The following MYO7A variants were observed in gnomAD, a reference collection of about 807,000 sequenced individuals.
MYO7A encodes the protein myosin VIIA, also known as unconventional myosin-VIIa.
MYO7A carries 210 observed loss-of-function variants against 263.8 expected under a neutral mutation model. The observed-to-expected ratio is 0.80, with a 90% confidence interval of 0.71 to 0.89. The LOEUF (loss-of-function observed/expected upper bound fraction) is 0.89. MYO7A is among the 40% of genes least tolerant of loss of function. MYO7A has a pLI of 0.00. For synonymous variants in MYO7A, 1,239 were observed against 1,197.3 expected, an observed-to-expected ratio of 1.03 and a Z score of -0.72; for missense variants, 2,820 against 2,968.3, an observed-to-expected ratio of 0.95 and a Z score of 1.16.
intron 23 of MYO7A, 85 bp downstream of exon 23, chr11:77,181,674 GC>G: frequency 2.3e-6 from 3 of 1,320,650 alleles, no homozygotes; most frequent in Non-Finnish European, 3.1e-6. Context: ...TGGCCTTAAA[GC>G]CCACCCAGTC....
Position 77,201,504 on chromosome 11 carries a change from C to A in MYO7A, c.4909C>A (p.His1637Asn). Residue 1637 changes from histidine to asparagine, a missense_variant, in exon 36 of 49, where the codon CAT becomes AAT. Coordinates refer to ENST00000409709, the MANE Select transcript of MYO7A (RefSeq NM_000260.4). ...CAAGGGAGACCTCATCATCCTGGACCATGACACGGGCGAGCAGGTCATGAA... is the reference window on the plus strand; with the variant it reads ...CAAGGGAGACCTCATCATCCTGGACAATGACACGGGCGAGCAGGTCATGAA... Reference protein sequence around the residue: ...FAKGDLIILDHDTGEQVMNSG... With the variant: ...FAKGDLIILDNDTGEQVMNSG... The A allele has an allele frequency of 6.2e-7, 1 of 1,613,956 alleles. No individual in the cohort carries two copies. The highest frequency in any genetic ancestry group is 1.3e-5 in the African/African-American group (1 of 75,034).
At chr11:77,212,870 C>T in intron 46 of MYO7A, 82 bp from the exon 47 acceptor site, 1 of 1,143,450 alleles carries the variant, frequency 8.7e-7, no homozygotes, top group Non-Finnish European at 1.3e-6. Context: ...TTTATCCCAG[C>T]TGGGGCCAGG....
rs746639287 is a variant in MYO7A, at chr11:77,199,518, G to A, written c.4569-17G>A. On this transcript the variant is annotated splice_polypyrimidine_tract_variant and intron_variant, in intron 34 of 48. Transcript: ENST00000409709. ...GGTTGGGGCATGACTGACTCAACTGGCCTTGATCTCCTTCAGGGAGTGCCG... is the reference window on the plus strand; with the variant it reads ...GGTTGGGGCATGACTGACTCAACTGACCTTGATCTCCTTCAGGGAGTGCCG... 4.8e-6 allele frequency: 7 copies of A among 1,466,604 alleles called. No homozygotes were observed. The highest frequency in any genetic ancestry group is 2.4e-5 in the Admixed American group (1 of 42,544). 90.8% of individuals were successfully genotyped at this position (1,466,604 alleles called of 1,614,324 possible). A position where few individuals can be genotyped will look rare whatever the true frequency, so the allele number is the denominator to read the frequency against.
rs1555045771 is a variant in MYO7A at position 77,130,592 on chromosome 11, T to C, written c.-43T>C. ...GACATGGTCTCTCTCCCTGCAGAACTGTGCCTGGCCCAGTGGGCAGCAGGA... is the reference window on the plus strand; with the variant it reads ...GACATGGTCTCTCTCCCTGCAGAACCGTGCCTGGCCCAGTGGGCAGCAGGA... On this transcript the variant is annotated 5_prime_UTR_variant, in exon 2 of 49. Coordinates refer to ENST00000409709, the MANE Select transcript of MYO7A (RefSeq NM_000260.4). The C allele has an allele frequency of 6.2e-7, 1 of 1,610,734 alleles. No homozygotes were observed. Among genetic ancestry groups the C allele is most frequent in the South Asian group, 1.1e-5 (1 of 90,002 alleles).
At chr11:77,141,809 G>T (rs1318876486) in intron 2 of MYO7A, among the ~76,000 whole-genome samples, 1 of 152,234 alleles carries the variant, frequency 6.6e-6, no homozygotes, top group Non-Finnish European at 1.5e-5. Context: ...CTGGGTCTAG[G>T]TTGGTTGGCT....
At chr11:77,145,963 C>T (rs1198033257) in intron 3 of MYO7A, among the ~76,000 whole-genome samples, 1 of 152,206 alleles carries the variant, frequency 6.6e-6, no homozygotes, top group African/African-American at 2.4e-5. Flanking sequence ...AGTCACCAGC[C>T]AGCCATCTGT....
chr11:77,210,409 T>C (rs926568759), intron 44 of MYO7A, among the ~76,000 whole-genome samples: 36 of 151,990 alleles, frequency 2.4e-4, no homozygotes, highest in African/African-American at 7.5e-4. Context: ...AGTGGGTGGA[T>C]GGGTGGGTAG....
intron 26 of MYO7A, 97 bp downstream of exon 26, chr11:77,183,254 G>A: frequency 1.9e-6 from 2 of 1,035,894 alleles, no homozygotes; most frequent in Non-Finnish European, 2.9e-6. Context: ...GGAAGCAGGA[G>A]CAGGAGTGGA....
intron 4 of MYO7A, 141 bp from the exon 5 acceptor site, chr11:77,155,766 C>T (rs1188680842): frequency 1.3e-5 from 12 of 894,882 alleles, no homozygotes; most frequent in Non-Finnish European, 1.9e-5. Flanking sequence ...AGGCCCGATT[C>T]TGGCTCCAGG....
At chr11:77,148,376 A>G (rs1278293063) in intron 4 of MYO7A, among the ~76,000 whole-genome samples, 2 of 152,182 alleles carry the variant, frequency 1.3e-5, no homozygotes, top group Non-Finnish European at 2.9e-5. Flanking sequence ...GGATGGATGG[A>G]TATCCTCAGG....
chr11:77,167,779 C>A lies in MYO7A; in HGVS notation c.1797+1617C>A, dbSNP rs989916340. Among the ~76,000 whole-genome samples the A allele has an allele frequency of 6.6e-5, 10 of 152,188 alleles. No homozygotes were observed. The East Asian group carries it at 1.9e-3, about 29-fold the overall frequency. ...AGTTCTGAAACAATCCACACACCCC[C>A]AGCAGTAGACAGGGCATGTCAGGAG... On this transcript the variant is annotated intron_variant, in intron 15 of 48. Coordinates refer to ENST00000409709, the MANE Select transcript of MYO7A (RefSeq NM_000260.4).
In MYO7A at chr11:77,157,429, C is replaced by A. The variant is rs541582500; in HGVS notation, c.849+37C>A. On this transcript the variant is annotated intron_variant, in intron 8 of 48. Transcript: ENST00000409709. ...GTGGGCCCCTGGGTAGGGGGGCACCCACCCTAGGATTGTAGGGAGCTGGCT... is the reference window on the plus strand; with the variant it reads ...GTGGGCCCCTGGGTAGGGGGGCACCAACCCTAGGATTGTAGGGAGCTGGCT... 7.7e-5 allele frequency: 110 copies of A among 1,433,202 alleles called. No individual in the cohort carries two copies. The Middle Eastern group carries it at 1.2e-3, about 15-fold the overall frequency. The allele number at this position is 1,433,202 out of a possible 1,614,324, so 88.8% of individuals were successfully genotyped here. A position where few individuals can be genotyped will look rare whatever the true frequency, so the allele number is the denominator to read the frequency against.
chr11:77,134,096 AT>A (rs34822247), intron 2 of MYO7A, among the ~76,000 whole-genome samples: 2 of 151,830 alleles, frequency 1.3e-5, no homozygotes, highest in African/African-American at 2.4e-5. Flanking sequence ...TACCTGGCTA[AT>A]TTTTTTTATT....
At position 77,160,188 on chromosome 11, in the gene MYO7A, G is replaced by T; in HGVS notation, c.1106G>T (p.Cys369Phe). Residue 369 changes from cysteine to phenylalanine, a missense_variant, in exon 11 of 49, where the codon TGC becomes TTC. Physicochemically the swap from Cys to Phe is radical, Grantham distance 205. Transcript: ENST00000409709. ...LEVNPPDLMS[C>F]LTSRTLITRG... ...GTGAACCCCCCAGACCTGATGAGCT[G>T]CCTGACTAGCCGCACCCTCATCACC... 1 of 1,569,118 alleles carries T rather than the reference G, an allele frequency of 6.4e-7. No individual in the cohort carries two copies. The highest frequency in any genetic ancestry group is 8.6e-7 in the Non-Finnish European group (1 of 1,158,106).
At chr11:77,155,253 T>C in intron 4 of MYO7A, among the ~76,000 whole-genome samples, 1 of 152,140 alleles carries the variant, frequency 6.6e-6, no homozygotes, top group South Asian at 2.1e-4. Flanking sequence ...GGAGCCCAAG[T>C]AGAGAACCTC....
chr11:77,198,653 CAG>C (rs1565457970), intron 34 of MYO7A, 32 bp downstream of exon 34: 2 of 1,612,362 alleles, frequency 1.2e-6, no homozygotes, highest in African/African-American at 1.3e-5. Flanking sequence ...TGCAGACAGA[CAG>C]AGGGGAAGGA....
rs1399962269 is a variant in MYO7A, at chr11:77,180,462, A to G, written c.2675A>G (p.Glu892Gly). The change falls in exon 22 of 49, where the codon GAG (glutamate) becomes GGG (glycine). Residue 892 changes from glutamate to glycine, a missense_variant. Transcript: ENST00000409709. ...KEMSAKKAKEEAERKHQERLA... is the reference protein window; with the variant it reads ...KEMSAKKAKEGAERKHQERLA... ...ATGAGCGCCAAGAAGGCCAAGGAGG[A>G]GGCCGAGCGCAAGCATCAGGTGAGC... 2 of 1,612,292 alleles carry G rather than the reference A, an allele frequency of 1.2e-6. No individual in the cohort carries two copies. Among genetic ancestry groups the G allele is most frequent in the Non-Finnish European group, 1.7e-6 (2 of 1,179,776 alleles).
At chr11:77,208,312 T>G (rs1400831201) in intron 42 of MYO7A, 118 bp from the exon 43 acceptor site, 4 of 788,720 alleles carry the variant, frequency 5.1e-6, no homozygotes, top group Non-Finnish European at 6.3e-6. Context: ...AGAAACCCCT[T>G]CCGGCTGGGA....
chr11:77,155,984 G>A lies in MYO7A; in HGVS notation c.363G>A (p.Gln121=), dbSNP rs781845560. ...TCTACTCGCCAGAGCACATCCGCCA[G>A]TATACCAACAAGAAGATTGGGGAGA... ...LSIYSPEHIR[Q]YTNKKIGEMP... The change falls in exon 5 of 49, where the codon CAG becomes CAA. Residue 121 remains glutamine, a synonymous_variant. Transcript: ENST00000409709. 4 of 1,613,614 alleles carry A rather than the reference G, an allele frequency of 2.5e-6. No homozygotes were observed. The highest frequency in any genetic ancestry group is 3.4e-6 in the Non-Finnish European group (4 of 1,179,762).
Sources: gnomAD v4.1 joint callset for allele counts (sites outside exome capture counted in the v4.1 genomes callset) on GRCh38, gnomAD v4.1.1 for gene constraint, MANE v1.5 for transcripts, NCBI Gene and HGNC (gene_info 2026-07-23, HGNC 2026-07-21) for gene names.